Variants in SFMBT1 observed in about 807,000 individuals in gnomAD.
SFMBT1 encodes the protein scm-like with four MBT domains protein 1.
Under a neutral mutation model 108.7 loss-of-function variants are expected in SFMBT1, and 32 were observed. That is an observed-to-expected ratio of 0.29 (90% confidence interval 0.22 to 0.40). SFMBT1 has a LOEUF of 0.40. SFMBT1 is among the 10% of genes least tolerant of loss of function. The probability of loss-of-function intolerance (pLI) is 1.00; values close to 1 mark genes in which losing one functional copy is unlikely to be tolerated. For synonymous variants in SFMBT1, 348 were observed against 369.5 expected, an observed-to-expected ratio of 0.94 and a Z score of 0.67; for missense variants, 816 against 1,059.6, an observed-to-expected ratio of 0.77 and a Z score of 3.19.
intron 1 of SFMBT1, among the ~76,000 whole-genome samples, chr3:52,981,953 T>C (rs562700334): frequency 5.3e-5 from 8 of 152,240 alleles, no homozygotes; most frequent in African/African-American, 1.7e-4. Flanking sequence ...GTTCCATCAA[T>C]GATTTGTCCC....
At position 52,936,181 on chromosome 3, in the gene SFMBT1, G is replaced by A. The variant is rs911863769; in HGVS notation, c.365-1280C>T. 3.9e-5 allele frequency among the ~76,000 whole-genome samples: 6 copies of A among 152,194 alleles called. No homozygotes were observed. The East Asian group carries it at 1.2e-3, about 29-fold the overall frequency. Reference sequence around the variant, plus strand: ...CTACATAGATGCACTGATTCATTACGGGCTCAATGGTGATATTCTAATTGT... The same window carrying A: ...CTACATAGATGCACTGATTCATTACAGGCTCAATGGTGATATTCTAATTGT... On this transcript the variant is annotated intron_variant, in intron 4 of 20. Transcript: ENST00000394752.
intron 5 of SFMBT1, among the ~76,000 whole-genome samples, chr3:52,933,899 T>TA (rs1312663303): frequency 6.6e-6 from 1 of 151,984 alleles, no homozygotes; most frequent in Non-Finnish European, 1.5e-5. Flanking sequence ...TATATCAAAA[T>TA]AAAAAATGTT....
intron 6 of SFMBT1, 112 bp downstream of exon 6, chr3:52,931,950 T>G (rs966783028): frequency 8.1e-7 from 1 of 1,237,474 alleles, no homozygotes; most frequent in Non-Finnish European, 1.1e-6. Context: ...AGCTCTATTA[T>G]GAGAACTAAC....
At chr3:52,949,872 A>G (rs1703513008) in intron 3 of SFMBT1, among the ~76,000 whole-genome samples, 1 of 151,976 alleles carries the variant, frequency 6.6e-6, no homozygotes, top group Non-Finnish European at 1.5e-5. Context: ...ATGTCCTAAC[A>G]TTCCTTGCTT....
intron 1 of SFMBT1, among the ~76,000 whole-genome samples, chr3:53,034,693 T>C (rs578200280): frequency 7.3e-5 from 11 of 149,892 alleles, no homozygotes; most frequent in Non-Finnish European, 1.0e-4. Flanking sequence ...ACCCAGCATT[T>C]TGGGAGGCTG....
intron 1 of SFMBT1, among the ~76,000 whole-genome samples, chr3:52,998,764 GC>G (rs1698431778): frequency 1.3e-5 from 2 of 150,680 alleles, no homozygotes; most frequent in Admixed American, 1.3e-4. Flanking sequence ...CAGGGGGCCA[GC>G]CCTGTCCCTC....
At chr3:52,919,646 G>A (rs1411297888) in intron 12 of SFMBT1, among the ~76,000 whole-genome samples, 6 of 152,158 alleles carry the variant, frequency 3.9e-5, no homozygotes, top group African/African-American at 9.7e-5. Context: ...TGCCACTTTC[G>A]AGGTTAGGTT....
rs747273314 is a variant in SFMBT1, at chr3:52,907,537, A to C, written c.2085+18T>G. ...CACTTGGCTTCAAGACATTACAGGC[A>C]CATCACAGATCTCATACCTGGGGAG... On this transcript the variant is annotated intron_variant, in intron 18 of 20. Coordinates refer to ENST00000394752, the MANE Select transcript of SFMBT1 (RefSeq NM_016329.4). 4.4e-6 allele frequency: 7 copies of C among 1,606,232 alleles called. No homozygotes were observed. The highest frequency in any genetic ancestry group is 5.9e-6 in the Non-Finnish European group (7 of 1,176,998).
intron 1 of SFMBT1, among the ~76,000 whole-genome samples, chr3:53,005,737 G>T (rs1698717318): frequency 6.6e-6 from 1 of 152,182 alleles, no homozygotes; most frequent in Admixed American, 6.5e-5. Context: ...TTTGGCTGGG[G>T]TACTTTTTCT....
At chr3:52,982,387 GAA>G in intron 1 of SFMBT1, among the ~76,000 whole-genome samples, 1 of 152,274 alleles carries the variant, frequency 6.6e-6, no homozygotes, top group East Asian at 1.9e-4. Flanking sequence ...CAAAAATCAT[GAA>G]AGAGGTTGTA....
chr3:52,921,580 C>A, intron 11 of SFMBT1, 125 bp downstream of exon 11: 3 of 1,099,732 alleles, frequency 2.7e-6, no homozygotes, highest in Non-Finnish European at 2.6e-6. Flanking sequence ...TCTTGCATTA[C>A]AAAAGTCTCT....
At chr3:52,981,302 A>G (rs1213173545) in intron 1 of SFMBT1, among the ~76,000 whole-genome samples, 3 of 152,194 alleles carry the variant, frequency 2.0e-5, no homozygotes, top group Non-Finnish European at 4.4e-5. Context: ...TAGGCAGCAA[A>G]TGAGTTCCCC....
chr3:53,006,785 T>G (rs1215730261), intron 1 of SFMBT1, among the ~76,000 whole-genome samples: 1 of 152,252 alleles, frequency 6.6e-6, no homozygotes, highest in Non-Finnish European at 1.5e-5. Context: ...TTCATTTATG[T>G]AAGCTTCCAC....
At chr3:52,910,208 G>A (rs1702183142) in intron 17 of SFMBT1, among the ~76,000 whole-genome samples, 1 of 151,988 alleles carries the variant, frequency 6.6e-6, no homozygotes, top group Admixed American at 6.5e-5. Context: ...TTCTTCCCTT[G>A]TTTGTTATCT....
At chr3:52,932,931 A>T (rs181453407) in intron 5 of SFMBT1, among the ~76,000 whole-genome samples, 29 of 152,262 alleles carry the variant, frequency 1.9e-4, no homozygotes, top group Admixed American at 8.5e-4. Flanking sequence ...TTAAAAATTT[A>T]AAAAAAGCAA....
chr3:52,993,089 G>GT (rs1297301688), intron 1 of SFMBT1, among the ~76,000 whole-genome samples: 2 of 151,736 alleles, frequency 1.3e-5, no homozygotes, highest in Non-Finnish European at 2.9e-5. Flanking sequence ...ATATAATGCT[G>GT]TATCAGTTGT....
intron 3 of SFMBT1, among the ~76,000 whole-genome samples, chr3:52,945,943 A>C (rs1428672741): frequency 6.6e-6 from 1 of 152,230 alleles, no homozygotes; most frequent in Non-Finnish European, 1.5e-5. Flanking sequence ...TATTAACTTC[A>C]AAGGGGAAAA....
rs1169241405 is a variant in SFMBT1 at position 52,928,164 on chromosome 3, A to G, written c.1048+27T>C. 19 of 1,595,084 alleles carry G rather than the reference A, an allele frequency of 1.2e-5. No homozygotes were observed. In the Admixed American group the frequency reaches 3.3e-4, roughly 28 times the overall value. On this transcript the variant is annotated intron_variant, in intron 9 of 20. Coordinates refer to ENST00000394752, the MANE Select transcript of SFMBT1 (RefSeq NM_016329.4). The stretch of plus-strand genomic sequence containing the variant: ...CATTTCAAGGAGAAGCTCTCAAGTG[A>G]CAATTCAGAAGACAGCGAATGTGCA...
rs561948046 is a variant in SFMBT1, at chr3:52,999,487, G to A, written c.-130-30229C>T. ...TTGCGTTGGGGTAGTCAAGGAGCTC[G>A]GGACATCGCAGGGGAGGCAAAAAGC... On this transcript the variant is annotated intron_variant, in intron 1 of 20. Coordinates refer to ENST00000394752, the MANE Select transcript of SFMBT1 (RefSeq NM_016329.4). 6.0e-5 allele frequency among the ~76,000 whole-genome samples: 9 copies of A among 150,476 alleles called. No individual in the cohort carries two copies. The South Asian group carries it at 1.5e-3, about 25-fold the overall frequency.
Sources: allele counts gnomAD v4.1 joint callset (sites outside exome capture counted in the v4.1 genomes callset), GRCh38; gene constraint gnomAD v4.1.1; transcripts MANE v1.5; gene names NCBI Gene and HGNC (gene_info 2026-07-23, HGNC 2026-07-21).